The following ADGRB3 variants were observed in gnomAD, a reference collection of about 807,000 sequenced individuals.
The protein encoded by ADGRB3 is brain-specific angiogenesis inhibitor 3.
ADGRB3 carries 37 observed loss-of-function variants against 193.4 expected under a neutral mutation model. The observed-to-expected ratio is 0.19, with a 90% CI of 0.15 to 0.25. The LOEUF (loss-of-function observed/expected upper bound fraction) is 0.25, where lower values mean the gene tolerates loss of function less well. Ranked by LOEUF, ADGRB3 falls within the 10% of genes least tolerant of loss-of-function variation. ADGRB3 has a pLI of 1.00. For missense variants in ADGRB3, 1,637 were observed against 1,852.9 expected (o/e 0.88, Z 2.14); for synonymous variants, 690 against 644.2 (o/e 1.07, Z -1.08).
At chr6:68,905,082 T>C (rs925351795) in intron 3 of ADGRB3, among the ~76,000 whole-genome samples, 3 of 152,200 alleles carry the variant, frequency 2.0e-5, no homozygotes, top group African/African-American at 7.2e-5. Flanking sequence ...ATGAAGAAAA[T>C]GTATGTCTAG....
chr6:68,749,408 A>ATGTG (rs60078030), intron 3 of ADGRB3, among the ~76,000 whole-genome samples: 6,119 of 136,498 alleles, frequency 0.045, 140 homozygotes, highest in Middle Eastern at 0.07. Flanking sequence ...ATATATATAT[A>ATGTG]TGTGTGTGTG....
intron 8 of ADGRB3, among the ~76,000 whole-genome samples, chr6:68,962,080 T>G (rs975534976): frequency 6.6e-6 from 1 of 152,192 alleles, no homozygotes; most frequent in Non-Finnish European, 1.5e-5. Flanking sequence ...ATGGTGACAG[T>G]AGGTGGCACT....
chr6:69,069,157 T>C (rs1326260545), intron 16 of ADGRB3, among the ~76,000 whole-genome samples: 2 of 152,122 alleles, frequency 1.3e-5, no homozygotes, highest in Non-Finnish European at 2.9e-5. Flanking sequence ...TACTAAAATA[T>C]GGAACAGTAC....
intron 20 of ADGRB3, among the ~76,000 whole-genome samples, chr6:69,259,359 C>T (rs1052035476): frequency 6.6e-6 from 1 of 152,074 alleles, no homozygotes; most frequent in African/African-American, 2.4e-5. Flanking sequence ...ATATTTTCTC[C>T]CGTGTTGGTG....
At chr6:69,133,119 G>A (rs1774056757) in intron 17 of ADGRB3, among the ~76,000 whole-genome samples, 1 of 151,708 alleles carries the variant, frequency 6.6e-6, no homozygotes, top group Non-Finnish European at 1.5e-5. Flanking sequence ...GCTCTTTTTT[G>A]GTTCCATATG....
chr6:68,765,524 A>G (rs934383457), intron 3 of ADGRB3, among the ~76,000 whole-genome samples: 1 of 137,456 alleles, frequency 7.3e-6, no homozygotes, highest in African/African-American at 2.7e-5. Flanking sequence ...CTTGTCCTGT[A>G]TATATTCTTA....
At chr6:69,030,163 G>A (rs929018095) in intron 13 of ADGRB3, among the ~76,000 whole-genome samples, 1 of 152,124 alleles carries the variant, frequency 6.6e-6, no homozygotes, top group African/African-American at 2.4e-5. Flanking sequence ...TACACTGTTC[G>A]TGGGAGTGTA....
chr6:69,149,424 A>G (rs903948899), intron 17 of ADGRB3, among the ~76,000 whole-genome samples: 32 of 152,086 alleles, frequency 2.1e-4, no homozygotes, highest in South Asian at 1.0e-3. Context: ...AAATAAATCT[A>G]TCATGATCCT....
intron 3 of ADGRB3, among the ~76,000 whole-genome samples, chr6:68,811,055 A>C (rs757677475): frequency 6.6e-6 from 1 of 152,110 alleles, no homozygotes; most frequent in East Asian, 1.9e-4. Context: ...AAAATTGTTT[A>C]CCCTATGGTT....
Position 69,361,687 on chromosome 6 carries a change from A to G in ADGRB3, c.4239+175A>G, listed in dbSNP as rs187581076. 8.7e-4 allele frequency among the ~76,000 whole-genome samples: 132 copies of G among 152,066 alleles called. 1 individual carries two copies. The highest frequency in any genetic ancestry group is 2.9e-3 in the African/African-American group (122 of 41,532). ...TTTCTGGCTATTGAGATTCAGTCTCAATGTAGGGTTTTCTCAGTAGTGTAT... is the reference window on the plus strand; with the variant it reads ...TTTCTGGCTATTGAGATTCAGTCTCGATGTAGGGTTTTCTCAGTAGTGTAT... On this transcript the variant is annotated intron_variant, in intron 29 of 31. Transcript: ENST00000370598.
rs1479586787 is a variant in ADGRB3, at chr6:69,324,886, C to T, written c.2829C>T (p.Thr943=). 1 of 1,613,582 alleles carries T rather than the reference C, an allele frequency of 6.2e-7. No individual in the cohort carries two copies. Among genetic ancestry groups the T allele is most frequent in the Admixed American group, 1.7e-5 (1 of 59,966 alleles). ...TQTHNKSICT[T]TTAFLHFFFL... ...TGTTTCCACAGAGTATCTGCACAACCACCACTGCATTTTTGCACTTTTTCT... is the reference window on the plus strand; with the variant it reads ...TGTTTCCACAGAGTATCTGCACAACTACCACTGCATTTTTGCACTTTTTCT... The change falls in exon 21 of 32, where the codon ACC becomes ACT. Residue 943 remains threonine, a synonymous_variant. Coordinates refer to ENST00000370598, the MANE Select transcript of ADGRB3 (RefSeq NM_001704.3).
chr6:69,099,741 G>A (rs1405306620), intron 17 of ADGRB3, among the ~76,000 whole-genome samples: 2 of 152,156 alleles, frequency 1.3e-5, no homozygotes, highest in African/African-American at 4.8e-5. Flanking sequence ...AGGGCAGAAT[G>A]AGGTCTTCAT....
At chr6:68,703,788 A>C (rs962224623) in intron 3 of ADGRB3, among the ~76,000 whole-genome samples, 21 of 152,046 alleles carry the variant, frequency 1.4e-4, no homozygotes, top group Middle Eastern at 3.4e-3. Flanking sequence ...ATGCCCAGCT[A>C]ATTTTTGTAT....
At chr6:69,370,627 T>C (rs1769687931) in intron 29 of ADGRB3, among the ~76,000 whole-genome samples, 2 of 152,140 alleles carry the variant, frequency 1.3e-5, no homozygotes, top group African/African-American at 4.8e-5. Flanking sequence ...ACAGAATCTA[T>C]CTCTGGTGAT....
intron 13 of ADGRB3, among the ~76,000 whole-genome samples, chr6:69,040,800 A>G (rs1198504719): frequency 6.6e-6 from 1 of 151,658 alleles, no homozygotes; most frequent in Non-Finnish European, 1.5e-5. Context: ...ATAGCTAAGT[A>G]AAGTTTCTAT....
intron 3 of ADGRB3, among the ~76,000 whole-genome samples, chr6:68,710,276 T>G (rs1467943108): frequency 2.0e-5 from 3 of 152,196 alleles, no homozygotes; most frequent in Non-Finnish European, 4.4e-5. Context: ...TGAATGTTAT[T>G]ACTTACTTCC....
At chr6:68,677,917 A>G (rs1764795989) in intron 3 of ADGRB3, among the ~76,000 whole-genome samples, 1 of 152,190 alleles carries the variant, frequency 6.6e-6, no homozygotes, top group Non-Finnish European at 1.5e-5. Context: ...CATGAAAAAG[A>G]CATCCAAATT....
intron 23 of ADGRB3, chr6:69,331,678 T>C: frequency 1.0e-6 from 1 of 985,446 alleles, no homozygotes; most frequent in Non-Finnish European, 1.2e-6. Flanking sequence ...TGAATTTTTA[T>C]TTAATCAACT....
chr6:69,090,276 C>G (rs1307626486), intron 17 of ADGRB3, among the ~76,000 whole-genome samples: 1 of 152,174 alleles, frequency 6.6e-6, no homozygotes, highest in Admixed American at 6.5e-5. Flanking sequence ...TTTAGTATCT[C>G]TGGGACCTTG....
Sources: gnomAD v4.1 joint callset for allele counts (sites outside exome capture counted in the v4.1 genomes callset) on GRCh38, gnomAD v4.1.1 for gene constraint, MANE v1.5 for transcripts, NCBI Gene and HGNC (gene_info 2026-07-23, HGNC 2026-07-21) for gene names.